OPCML: variants seen among roughly 807,000 people sequenced by gnomAD.
OPCML encodes the protein opioid-binding protein/cell adhesion molecule.
In OPCML, 13 loss-of-function variants were observed where a neutral mutation model predicts 37.8. That is an observed-to-expected ratio of 0.34 (90% CI 0.22 to 0.55). The LOEUF (loss-of-function observed/expected upper bound fraction) is 0.55, where lower values mean the gene tolerates loss of function less well. Among genes scored for constraint, OPCML ranks in the 20% least tolerant of loss-of-function variants. The probability of loss-of-function intolerance (pLI) is 0.91; values close to 1 mark genes in which losing one functional copy is unlikely to be tolerated. For missense variants in OPCML, 341 were observed against 435.6 expected (o/e 0.78, Z 1.93); for synonymous variants, 176 against 168.8 (o/e 1.04, Z -0.33).
At chr11:132,782,162 A>T (rs1351548273) in intron 2 of OPCML, among the ~76,000 whole-genome samples, 1 of 151,772 alleles carries the variant, frequency 6.6e-6, no homozygotes, top group Non-Finnish European at 1.5e-5. Context: ...AGTGGTGACA[A>T]ATCGACTCAT....
chr11:133,382,766 T>A (rs925188708), intron 1 of OPCML, among the ~76,000 whole-genome samples: 5 of 152,142 alleles, frequency 3.3e-5, no homozygotes, highest in Admixed American at 6.5e-5. Flanking sequence ...CGATGTTCTG[T>A]CACCCCACTC....
intron 1 of OPCML, among the ~76,000 whole-genome samples, chr11:133,106,391 C>T (rs1949158087): frequency 6.6e-6 from 1 of 152,202 alleles, no homozygotes; most frequent in Non-Finnish European, 1.5e-5. Context: ...CGCAGACTTT[C>T]TGCAAGAAAT....
At chr11:133,232,246 A>G (rs1335192770) in intron 1 of OPCML, among the ~76,000 whole-genome samples, 2 of 152,170 alleles carry the variant, frequency 1.3e-5, no homozygotes, top group Non-Finnish European at 2.9e-5. Flanking sequence ...TTCTCAAGGA[A>G]AAAAGATAAA....
intron 7 of OPCML, among the ~76,000 whole-genome samples, chr11:132,427,463 T>C (rs779668033): frequency 1.8e-4 from 28 of 152,206 alleles, no homozygotes; most frequent in Non-Finnish European, 4.1e-4. Context: ...TTTTCCTCCA[T>C]TGAGTTTAAT....
intron 1 of OPCML, among the ~76,000 whole-genome samples, chr11:132,961,248 G>C (rs74451307): frequency 0.024 from 3,610 of 152,256 alleles, 91 homozygotes; most frequent in African/African-American, 0.062. Flanking sequence ...TTTGAAACAC[G>C]ATGTTTCTAA....
At chr11:133,347,776 A>T (rs894257228) in intron 1 of OPCML, among the ~76,000 whole-genome samples, 10 of 152,214 alleles carry the variant, frequency 6.6e-5, no homozygotes, top group Non-Finnish European at 1.5e-4. Context: ...AGAGTTGTGT[A>T]TCATTCACTT....
At chr11:132,636,423 A>G (rs1436780127) in intron 3 of OPCML, among the ~76,000 whole-genome samples, 1 of 152,196 alleles carries the variant, frequency 6.6e-6, no homozygotes, top group Non-Finnish European at 1.5e-5. Flanking sequence ...TTATTTAACT[A>G]ATTCAGTCAA....
At position 133,458,165 on chromosome 11, in the gene OPCML, CATATACATATATGTGTATATATACACAT is replaced by C. The variant is rs1288823573; in HGVS notation, c.61+74071_61+74098del. Among the ~76,000 whole-genome samples, 286 of 140,116 alleles carry C rather than the reference CATATACATATATGTGTATATATACACAT, an allele frequency of 2.0e-3. 3 individuals are homozygous for C. Among genetic ancestry groups the C allele is most frequent in the Admixed American group, 3.7e-3 (51 of 13,918 alleles). 91.9% of individuals were successfully genotyped at this position (140,116 alleles called of 152,430 possible). ...CATCTTGAGAAAAAATATATATATA[CATATACATATATGTGTATATATACACAT>C]ATATACACGTGTGTGTATATATACA... On this transcript the variant is annotated intron_variant, in intron 1 of 7. Coordinates refer to ENST00000524381, the MANE Select transcript of OPCML (RefSeq NM_001012393.5).
intron 1 of OPCML, among the ~76,000 whole-genome samples, chr11:133,184,807 A>G (rs1938000072): frequency 6.6e-6 from 1 of 152,216 alleles, no homozygotes; most frequent in Admixed American, 6.5e-5. Context: ...AGCATTATAC[A>G]GGATATATGG....
chr11:132,419,855 G>A lies in OPCML; in HGVS notation c.*338C>T, dbSNP rs1002103570. 1.7e-4 allele frequency: 40 copies of A among 238,356 alleles called. No homozygotes were observed. The highest frequency in any genetic ancestry group is 3.4e-4 in the African/African-American group (15 of 44,008). 14.8% of individuals were successfully genotyped at this position (238,356 alleles called of 1,614,324 possible). A position where few individuals can be genotyped will look rare whatever the true frequency, so the allele number is the denominator to read the frequency against. ...CAATTTTTGCCCAAATGAAACTTAC[G>A]TTTTGTTGTGTGTGGCAGAGGATGT... On this transcript the variant is annotated 3_prime_UTR_variant, in exon 8 of 8. Transcript: ENST00000524381.
intron 2 of OPCML, among the ~76,000 whole-genome samples, chr11:132,926,752 A>G (rs1258965146): frequency 6.6e-6 from 1 of 152,182 alleles, no homozygotes; most frequent in East Asian, 1.9e-4. Context: ...TAGACTTAAA[A>G]CTTACCTGAA....
intron 7 of OPCML, among the ~76,000 whole-genome samples, chr11:132,429,892 C>T (rs373225090): frequency 5.8e-4 from 89 of 152,208 alleles, no homozygotes; most frequent in African/African-American, 2.1e-3. Context: ...TCACCATAGG[C>T]TGACCCCCGG....
At chr11:132,989,306 C>T (rs1322200898) in intron 1 of OPCML, among the ~76,000 whole-genome samples, 1 of 152,072 alleles carries the variant, frequency 6.6e-6, no homozygotes, top group Non-Finnish European at 1.5e-5. Flanking sequence ...TCCACCAACG[C>T]AAATGAACCA....
At position 132,716,404 on chromosome 11, in the gene OPCML, ATCTG is replaced by A. The variant is rs200276065; in HGVS notation, c.147-59089_147-59086del. On this transcript the variant is annotated intron_variant, in intron 2 of 7. Transcript: ENST00000524381. ...TATCTGTCTATTTATCTATCTATCTATCTGTCTGTCTATCTATCTATCTATCTAT... is the reference window on the plus strand; with the variant it reads ...TATCTGTCTATTTATCTATCTATCTATCTGTCTATCTATCTATCTATCTAT... Among the ~76,000 whole-genome samples the A allele has an allele frequency of 1.7e-3, 70 of 40,912 alleles. No individual in the cohort carries two copies. The Middle Eastern group carries it at 0.034, about 20-fold the overall frequency. The allele number at this position is 40,912 out of a possible 152,430, so 26.8% of individuals were successfully genotyped here. A position where few individuals can be genotyped will look rare whatever the true frequency, so the allele number is the denominator to read the frequency against.
At chr11:133,140,823 AGACGACGAC>A (rs1273768067) in intron 1 of OPCML, among the ~76,000 whole-genome samples, 14 of 31,720 alleles carry the variant, frequency 4.4e-4, no homozygotes, top group African/African-American at 8.1e-4. Context: ...ACGAAGAAGA[AGACGACGAC>A]GAAGAAGACG....
intron 3 of OPCML, among the ~76,000 whole-genome samples, chr11:132,544,468 T>C (rs924156870): frequency 1.3e-5 from 2 of 152,346 alleles, no homozygotes; most frequent in East Asian, 3.9e-4. Context: ...TGTTCTATAA[T>C]ATTTTAGACA....
Position 132,678,359 on chromosome 11 carries a change from C to T in OPCML, c.147-21040G>A, listed in dbSNP as rs1942800162. On this transcript the variant is annotated intron_variant, in intron 2 of 7. Transcript: ENST00000524381. ...ACAGTTTTGTACAAAATTAAACGTACTCTTACCTTATAATCCAACAAATGT... is the reference window on the plus strand; with the variant it reads ...ACAGTTTTGTACAAAATTAAACGTATTCTTACCTTATAATCCAACAAATGT... Among the ~76,000 whole-genome samples, 4 of 152,216 alleles carry T rather than the reference C, an allele frequency of 2.6e-5. No individual in the cohort carries two copies. In the South Asian group the frequency reaches 8.3e-4, roughly 31 times the overall value.
intron 2 of OPCML, among the ~76,000 whole-genome samples, chr11:132,870,353 A>G (rs1042488810): frequency 1.3e-5 from 2 of 152,194 alleles, no homozygotes; most frequent in African/African-American, 4.8e-5. Flanking sequence ...CAAAAAGATG[A>G]AGGATAACAC....
At chr11:133,090,812 A>C (rs180878480) in intron 1 of OPCML, among the ~76,000 whole-genome samples, 430 of 152,352 alleles carry the variant, frequency 2.8e-3, no homozygotes, top group Admixed American at 6.2e-3. Flanking sequence ...GCCTGGCTAG[A>C]TTGTGAAGAA....
Sources: gnomAD v4.1 joint callset for allele counts (sites outside exome capture counted in the v4.1 genomes callset) on GRCh38, gnomAD v4.1.1 for gene constraint, MANE v1.5 for transcripts, NCBI Gene and HGNC (gene_info 2026-07-23, HGNC 2026-07-21) for gene names.